KBTBD12: variants seen among roughly 807,000 people sequenced by gnomAD.
KBTBD12 encodes the protein kelch repeat and BTB domain-containing protein 12.
Under a neutral mutation model 58.7 loss-of-function variants are expected in KBTBD12, and 53 were observed. That is an observed-to-expected ratio of 0.90 (90% CI 0.72 to 1.14). The LOEUF (loss-of-function observed/expected upper bound fraction) is 1.14, where lower values mean the gene tolerates loss of function less well. Ranked by LOEUF, KBTBD12 falls within the 50% of genes most tolerant of loss-of-function variation. The pLI, the probability that KBTBD12 is intolerant of heterozygous loss-of-function variation, is 0.00. For missense variants in KBTBD12, 704 were observed against 751.3 expected (o/e 0.94, Z 0.74); for synonymous variants, 236 against 259.8 (o/e 0.91, Z 0.88).
chr3:127,926,725 G>A (rs1418092507), intron 2 of KBTBD12, among the ~76,000 whole-genome samples: 1 of 152,138 alleles, frequency 6.6e-6, no homozygotes, highest in Non-Finnish European at 1.5e-5. Flanking sequence ...CTTAAAAATT[G>A]TACTCTGTAT....
chr3:127,923,279 T>A lies in KBTBD12; in HGVS notation c.218T>A (p.Ile73Lys), dbSNP rs1054330633. 7 of 1,613,700 alleles carry A rather than the reference T, an allele frequency of 4.3e-6. No individual in the cohort carries two copies. Among genetic ancestry groups the A allele is most frequent in the Admixed American group, 3.3e-5 (2 of 59,974 alleles). ...GLLECNQREV[I>K]LYDITAESVS... ...CTTGAATGTAATCAAAGGGAAGTCA[T>A]ACTTTATGACATCACAGCAGAAAGT... The change falls in exon 2 of 6, where the codon ATA becomes AAA. Residue 73 changes from isoleucine (I) to lysine (K), a missense_variant. Ile to Lys is a moderately radical substitution (Grantham distance 102). Coordinates refer to ENST00000405109, the MANE Select transcript of KBTBD12 (RefSeq NM_207335.4).
At chr3:127,928,179 G>A (rs1939621590) in intron 3 of KBTBD12, 145 bp downstream of exon 3, 9 of 688,014 alleles carry the variant, frequency 1.3e-5, no homozygotes, top group South Asian at 2.0e-5. Flanking sequence ...ATAACTCAAG[G>A]TTTTAAAGTG....
At chr3:127,931,573 A>G (rs1939701597) in intron 4 of KBTBD12, among the ~76,000 whole-genome samples, 1 of 152,158 alleles carries the variant, frequency 6.6e-6, no homozygotes, top group Non-Finnish European at 1.5e-5. Flanking sequence ...CCATTGGACC[A>G]GAATGAGATT....
At chr3:127,961,998 C>A (rs1940449823) in intron 4 of KBTBD12, among the ~76,000 whole-genome samples, 1 of 152,220 alleles carries the variant, frequency 6.6e-6, no homozygotes, top group Non-Finnish European at 1.5e-5. Context: ...CAACAACATA[C>A]TCCAGTATCA....
At chr3:127,978,551 C>A (rs1246878555) in intron 5 of KBTBD12, among the ~76,000 whole-genome samples, 1 of 152,198 alleles carries the variant, frequency 6.6e-6, no homozygotes, top group Admixed American at 6.5e-5. Flanking sequence ...AGAAAATCCT[C>A]TTTTTCTGTT....
intron 4 of KBTBD12, among the ~76,000 whole-genome samples, chr3:127,931,244 T>C (rs183448875): frequency 6.6e-5 from 10 of 152,274 alleles, no homozygotes; most frequent in Non-Finnish European, 1.5e-4. Flanking sequence ...CATTATCTCT[T>C]AGCTGTTTGC....
At chr3:127,978,363 G>C (rs993961768) in intron 5 of KBTBD12, among the ~76,000 whole-genome samples, 1 of 152,248 alleles carries the variant, frequency 6.6e-6, no homozygotes, top group Non-Finnish European at 1.5e-5. Flanking sequence ...GCATGGAGCA[G>C]CAATCTGAGA....
chr3:127,963,625 C>T (rs1940498621), intron 5 of KBTBD12: 1 of 373,730 alleles, frequency 2.7e-6, no homozygotes, highest in Non-Finnish European at 4.6e-6. Flanking sequence ...GCCATACCAC[C>T]CTGAACACAC....
At chr3:127,958,636 C>T (rs187881562) in intron 4 of KBTBD12, among the ~76,000 whole-genome samples, 2 of 152,314 alleles carry the variant, frequency 1.3e-5, no homozygotes, top group African/African-American at 2.4e-5. Context: ...TATATGTCCA[C>T]TCGGAAGTTA....
intron 4 of KBTBD12, among the ~76,000 whole-genome samples, chr3:127,947,894 A>G (rs1198183938): frequency 2.0e-5 from 3 of 152,210 alleles, no homozygotes; most frequent in African/African-American, 7.2e-5. Flanking sequence ...CTGGAATGTT[A>G]GCTCATCTAG....
At chr3:127,963,139 A>G (rs1423639446) in intron 4 of KBTBD12, 50 bp from the exon 5 acceptor site, 2 of 1,481,502 alleles carry the variant, frequency 1.3e-6, no homozygotes, top group African/African-American at 2.8e-5. Flanking sequence ...GCTGTCCACA[A>G]TTGAGTTTCA....
At chr3:127,928,163 T>C (rs1475343072) in intron 3 of KBTBD12, 129 bp downstream of exon 3, 3 of 790,150 alleles carry the variant, frequency 3.8e-6, no homozygotes, top group African/African-American at 3.5e-5. Context: ...TTCTGTTTTA[T>C]AGAATATAAC....
chr3:127,960,035 T>G (rs1400918988), intron 4 of KBTBD12, among the ~76,000 whole-genome samples: 1 of 152,170 alleles, frequency 6.6e-6, no homozygotes, highest in African/African-American at 2.4e-5. Context: ...AACCCCCACC[T>G]CCTGTTCTGG....
At chr3:127,961,139 G>T (rs776070624) in intron 4 of KBTBD12, among the ~76,000 whole-genome samples, 1 of 152,116 alleles carries the variant, frequency 6.6e-6, no homozygotes, top group Non-Finnish European at 1.5e-5. Context: ...CAGACAACTA[G>T]ATCATCTTAC....
intron 4 of KBTBD12, among the ~76,000 whole-genome samples, chr3:127,958,339 C>A (rs1178082695): frequency 4.6e-5 from 7 of 152,282 alleles, no homozygotes; most frequent in African/African-American, 1.7e-4. Flanking sequence ...TAAGCTCACT[C>A]CCACCCACCA....
At chr3:127,967,612 A>C (rs1940601119) in intron 5 of KBTBD12, among the ~76,000 whole-genome samples, 1 of 152,210 alleles carries the variant, frequency 6.6e-6, no homozygotes, top group African/African-American at 2.4e-5. Context: ...GGTCAGTGCC[A>C]GCAGAATCAG....
At chr3:127,957,495 C>G (rs1002754398) in intron 4 of KBTBD12, among the ~76,000 whole-genome samples, 1 of 152,122 alleles carries the variant, frequency 6.6e-6, no homozygotes, top group African/African-American at 2.4e-5. Flanking sequence ...CAACAACAGA[C>G]AGCAGTCATT....
intron 5 of KBTBD12, among the ~76,000 whole-genome samples, chr3:127,973,932 C>A (rs1357242256): frequency 1.3e-5 from 2 of 152,130 alleles, no homozygotes; most frequent in Non-Finnish European, 2.9e-5. Flanking sequence ...CCCCGTGCCC[C>A]CCAGCCACAC....
At chr3:127,917,586 T>C (rs1173147077) in intron 1 of KBTBD12, among the ~76,000 whole-genome samples, 1 of 152,208 alleles carries the variant, frequency 6.6e-6, no homozygotes, top group African/African-American at 2.4e-5. Context: ...CCTGCCTTAT[T>C]CTTTCCGGGG....
Sources: gnomAD v4.1 joint callset for allele counts (sites outside exome capture counted in the v4.1 genomes callset) on GRCh38, gnomAD v4.1.1 for gene constraint, MANE v1.5 for transcripts, NCBI Gene and HGNC (gene_info 2026-07-23, HGNC 2026-07-21) for gene names.